MRPS16: variants seen among roughly 807,000 people sequenced by gnomAD.
The protein encoded by MRPS16 is small ribosomal subunit protein bS16m.
In MRPS16, 5 loss-of-function variants were observed where a neutral mutation model predicts 11.0. The observed-to-expected ratio is 0.46, with a 90% confidence interval of 0.24 to 0.96. The LOEUF (loss-of-function observed/expected upper bound fraction) is 0.96. Among genes scored for constraint, MRPS16 ranks in the 40% least tolerant of loss-of-function variants. The pLI, the probability that MRPS16 is intolerant of heterozygous loss-of-function variation, is 0.20. For missense variants in MRPS16, 179 were observed against 174.4 expected (o/e 1.03, Z -0.15); for synonymous variants, 76 against 65.0 (o/e 1.17, Z -0.81).
In MRPS16 at chr10:73,248,860, A is replaced by G; in HGVS notation, c.*1992T>C. 5.6e-6 allele frequency: 2 copies of G among 359,302 alleles called. No individual in the cohort carries two copies. 22.3% of individuals were successfully genotyped at this position (359,302 alleles called of 1,614,324 possible). On this transcript the variant is annotated 3_prime_UTR_variant, in exon 3 of 3. Coordinates refer to ENST00000372945, the MANE Select transcript of MRPS16 (RefSeq NM_016065.4). ...ACGGAAAATTGAAATCGCACACTGA[A>G]ATATCCTTTTATTGCAACTCAAATT...
chr10:73,248,893 A>G lies in MRPS16; in HGVS notation c.*1959T>C. 2.6e-6 allele frequency: 1 copy of G among 381,436 alleles called. No individual in the cohort carries two copies. 23.6% of individuals were successfully genotyped at this position (381,436 alleles called of 1,614,324 possible). The stretch of plus-strand genomic sequence containing the variant: ...TTTATTGCAACTCAAATTTTCAAAA[A>G]CCAGAAAATCAAATTATTATGCTCT... On this transcript the variant is annotated 3_prime_UTR_variant, in exon 3 of 3. Transcript: ENST00000372945.
Position 73,249,482 on chromosome 10 carries a change from T to C in MRPS16, c.*1370A>G, listed in dbSNP as rs1589209595. ...CACTCATTACAGGTTGTCAACATTA[T>C]TGGTATACAGTTTATCCTAACACAG... On this transcript the variant is annotated 3_prime_UTR_variant, in exon 3 of 3. Coordinates refer to ENST00000372945, the MANE Select transcript of MRPS16 (RefSeq NM_016065.4). 6 of 672,990 alleles carry C rather than the reference T, an allele frequency of 8.9e-6. No homozygotes were observed. In the East Asian group the frequency reaches 1.4e-4, roughly 16 times the overall value. 41.7% of individuals were successfully genotyped at this position (672,990 alleles called of 1,614,324 possible). A position where few individuals can be genotyped will look rare whatever the true frequency, so the allele number is the denominator to read the frequency against.
Position 73,252,615 on chromosome 10 carries a change from A to G in MRPS16, c.-133T>C. The stretch of plus-strand genomic sequence containing the variant: ...CCAGGCCGCACCGCCAAGCGGTACA[A>G]GCCCGAAAACCTCGACTCCGGAAGC... On this transcript the variant is annotated 5_prime_UTR_variant, in exon 1 of 3. Coordinates refer to ENST00000372945, the MANE Select transcript of MRPS16 (RefSeq NM_016065.4). 1 of 1,359,006 alleles carries G rather than the reference A, an allele frequency of 7.4e-7. No individual in the cohort carries two copies. The highest frequency in any genetic ancestry group is 1.0e-6 in the Non-Finnish European group (1 of 990,162). 84.2% of individuals were successfully genotyped at this position (1,359,006 alleles called of 1,614,324 possible). A position where few individuals can be genotyped will look rare whatever the true frequency, so the allele number is the denominator to read the frequency against.
rs373606049 is a variant in MRPS16 at position 73,251,971 on chromosome 10, G to A, written c.66C>T (p.Ala22=). Residue 22 remains alanine (A), a synonymous_variant, in exon 2 of 3, where the codon GCC becomes GCT. Coordinates refer to ENST00000372945, the MANE Select transcript of MRPS16 (RefSeq NM_016065.4). ...ACGGCCGATTGGTGCAGCCACCCAG[G>A]GCAAGGCGGATGGTTAAGTGGCCCC... ...YRGGHLTIRL[A]LGGCTNRPFY... 4.4e-5 allele frequency: 71 copies of A among 1,614,056 alleles called. No individual in the cohort carries two copies. Among genetic ancestry groups the A allele is most frequent in the Non-Finnish European group, 5.7e-5 (67 of 1,180,042 alleles).
chr10:73,251,742 GT>G lies in MRPS16; in HGVS notation c.274+20del, dbSNP rs1301622790. 1.2e-6 allele frequency: 2 copies of G among 1,614,056 alleles called. No homozygotes were observed. Among genetic ancestry groups the G allele is most frequent in the African/African-American group, 2.7e-5 (2 of 75,008 alleles). The stretch of plus-strand genomic sequence containing the variant: ...TTCAGTTTAAAATCCCCTCAATAAG[GT>G]AAGACCAGAGCTGAGTTACCCAGAA... On this transcript the variant is annotated intron_variant, in intron 2 of 2. Coordinates refer to ENST00000372945, the MANE Select transcript of MRPS16 (RefSeq NM_016065.4).
intron 1 of MRPS16, chr10:73,252,229 A>G (rs910602148): frequency 9.9e-7 from 1 of 1,009,940 alleles, no homozygotes; most frequent in East Asian, 2.6e-5. Flanking sequence ...CCCACCCCGC[A>G]TGGGCTTGCC....
Position 73,252,201 on chromosome 10 carries a change from C to T in MRPS16, c.14-178G>A, listed in dbSNP as rs183088248. 37 of 1,106,090 alleles carry T rather than the reference C, an allele frequency of 3.3e-5. No individual in the cohort carries two copies. The Middle Eastern group carries it at 1.6e-3, about 49-fold the overall frequency. The allele number at this position is 1,106,090 out of a possible 1,614,324, so 68.5% of individuals were successfully genotyped here. On this transcript the variant is annotated intron_variant, in intron 1 of 2. Coordinates refer to ENST00000372945, the MANE Select transcript of MRPS16 (RefSeq NM_016065.4). ...CTTGGCCAGTCCAGCCAGCAATGAC[C>T]TCCTCCTCATACCCAAACCCACCCC...
rs2044050563 is a variant in MRPS16 at position 73,249,041 on chromosome 10, C to T, written c.*1811G>A. The T allele has an allele frequency of 8.4e-6, 5 of 594,144 alleles. No homozygotes were observed. The Admixed American group carries it at 1.3e-4, about 16-fold the overall frequency. 36.8% of individuals were successfully genotyped at this position (594,144 alleles called of 1,614,324 possible). A position where few individuals can be genotyped will look rare whatever the true frequency, so the allele number is the denominator to read the frequency against. On this transcript the variant is annotated 3_prime_UTR_variant, in exon 3 of 3. Transcript: ENST00000372945. The stretch of plus-strand genomic sequence containing the variant: ...TCAAGTGATCTTACTGCCTCAGCTT[C>T]CCGAGTAGCTGGAACTATGGGTGAG...
Position 73,252,462 on chromosome 10 carries a change from T to C in MRPS16, c.13+8A>G. 6.2e-7 allele frequency: 1 copy of C among 1,609,484 alleles called. No individual in the cohort carries two copies. The highest frequency in any genetic ancestry group is 1.1e-5 in the South Asian group (1 of 91,042). ...CCCGGAACGTCTCGCGGTGGCCCGATGACTCACTGAGGTGGACCATGGTGC... is the reference window on the plus strand; with the variant it reads ...CCCGGAACGTCTCGCGGTGGCCCGACGACTCACTGAGGTGGACCATGGTGC... On this transcript the variant is annotated splice_region_variant and intron_variant, in intron 1 of 2. Coordinates refer to ENST00000372945, the MANE Select transcript of MRPS16 (RefSeq NM_016065.4).
intron 1 of MRPS16, 183 bp from the exon 2 acceptor site, chr10:73,252,206 C>G: frequency 9.3e-7 from 1 of 1,080,210 alleles, no homozygotes; most frequent in Non-Finnish European, 1.3e-6. Context: ...ATGACCTCCT[C>G]CTCATACCCA....
At position 73,251,871 on chromosome 10, in the gene MRPS16, G is replaced by A; in HGVS notation, c.166C>T (p.Pro56Ser). ...RFVEQLGSYD[P>S]LPNSHGEKLV... ...TTTTCTCCATGACTGTTGGGCAATG[G>A]ATCATAGGAGCCCAGCTGCTCTACG... is the stretch of plus-strand genomic sequence containing the variant. Residue 56 changes from proline to serine, a missense_variant, in exon 2 of 3, where the codon CCA (proline) becomes TCA (serine). By Grantham distance (74) the Pro-to-Ser change is moderately conservative. Coordinates refer to ENST00000372945, the MANE Select transcript of MRPS16 (RefSeq NM_016065.4). 1 of 1,614,204 alleles carries A rather than the reference G, an allele frequency of 6.2e-7. No homozygotes were observed.
chr10:73,252,418 C>T (rs1197426613), intron 1 of MRPS16, 52 bp downstream of exon 1: 20 of 1,607,604 alleles, frequency 1.2e-5, no homozygotes, highest in Non-Finnish European at 1.6e-5. Flanking sequence ...CGGCCCCGAA[C>T]TCCCGAGCCC....
Position 73,251,646 on chromosome 10 carries a change from G to A in MRPS16, c.274+117C>T. 3 of 1,445,880 alleles carry A rather than the reference G, an allele frequency of 2.1e-6. No individual in the cohort carries two copies. The Admixed American group carries it at 5.0e-5, about 24-fold the overall frequency. The allele number at this position is 1,445,880 out of a possible 1,614,324, so 89.6% of individuals were successfully genotyped here. On this transcript the variant is annotated intron_variant, in intron 2 of 2. Transcript: ENST00000372945. ...TCCGCCCGCCTCGGCCTCCCAAAGC[G>A]CTGAGATTACAGGCGTGAGCCACCG...
rs763457239 is a variant in MRPS16 at position 73,250,872 on chromosome 10, T to C, written c.394A>G (p.Thr132Ala). 1.2e-6 allele frequency: 2 copies of C among 1,614,030 alleles called. No homozygotes were observed. The highest frequency in any genetic ancestry group is 8.5e-7 in the Non-Finnish European group (1 of 1,180,036). The change falls in exon 3 of 3, where the codon ACA becomes GCA. Residue 132 changes from threonine to alanine, a missense_variant. By Grantham distance (58) the Thr-to-Ala change is moderately conservative. Coordinates refer to ENST00000372945, the MANE Select transcript of MRPS16 (RefSeq NM_016065.4). ...SQKTDAEATDTEATET is the reference protein window; with the variant it reads ...SQKTDAEATDAEATET The stretch of plus-strand genomic sequence containing the variant: ...CTCATTTATGTTTCTGTAGCCTCTG[T>C]ATCTGTAGCTTCTGCATCTGTTTTC...
At position 73,252,254 on chromosome 10, in the gene MRPS16, G is replaced by A. The variant is rs188130965; in HGVS notation, c.13+216C>T. 4.4e-4 allele frequency: 446 copies of A among 1,023,304 alleles called. 3 individuals are homozygous for A. In the African/African-American group the frequency reaches 6.1e-3, roughly 14 times the overall value. 63.4% of individuals were successfully genotyped at this position (1,023,304 alleles called of 1,614,324 possible). On this transcript the variant is annotated intron_variant, in intron 1 of 2. Coordinates refer to ENST00000372945, the MANE Select transcript of MRPS16 (RefSeq NM_016065.4). ...ATGGGCTTGCCATTCACTAGGCTCT[G>A]TGACCTTGTCGGAGCCTTAGCTGCT...
rs2044052458 is a variant in MRPS16 at position 73,249,205 on chromosome 10, A to C, written c.*1647T>G. On this transcript the variant is annotated 3_prime_UTR_variant, in exon 3 of 3. Coordinates refer to ENST00000372945, the MANE Select transcript of MRPS16 (RefSeq NM_016065.4). ...AGTGCTGAGATTACAGGTGTGAGCCACTGCCCCAATGGTATCTTTATATTA... is the reference window on the plus strand; with the variant it reads ...AGTGCTGAGATTACAGGTGTGAGCCCCTGCCCCAATGGTATCTTTATATTA... The C allele has an allele frequency of 3.6e-6, 5 of 1,371,894 alleles. No individual in the cohort carries two copies. Among genetic ancestry groups the C allele is most frequent in the Non-Finnish European group, 5.1e-6 (5 of 989,398 alleles). The allele number at this position is 1,371,894 out of a possible 1,614,324, so 85.0% of individuals were successfully genotyped here. A position where few individuals can be genotyped will look rare whatever the true frequency, so the allele number is the denominator to read the frequency against.
chr10:73,249,079 CA>C lies in MRPS16; in HGVS notation c.*1772del. ...AACTATGGGTGAGCAACACCACAGC[CA>C]GCTAATTTTTTAAGTTTTTGTAGAG... On this transcript the variant is annotated 3_prime_UTR_variant, in exon 3 of 3. Coordinates refer to ENST00000372945, the MANE Select transcript of MRPS16 (RefSeq NM_016065.4). The C allele has an allele frequency of 1.7e-6, 1 of 599,956 alleles. No homozygotes were observed. The highest frequency in any genetic ancestry group is 3.1e-6 in the Non-Finnish European group (1 of 326,656). 37.2% of individuals were successfully genotyped at this position (599,956 alleles called of 1,614,324 possible).
chr10:73,249,078 C>A lies in MRPS16; in HGVS notation c.*1774G>T. 2 of 598,928 alleles carry A rather than the reference C, an allele frequency of 3.3e-6. No homozygotes were observed. The highest frequency in any genetic ancestry group is 6.1e-6 in the Non-Finnish European group (2 of 326,062). 37.1% of individuals were successfully genotyped at this position (598,928 alleles called of 1,614,324 possible). A position where few individuals can be genotyped will look rare whatever the true frequency, so the allele number is the denominator to read the frequency against. On this transcript the variant is annotated 3_prime_UTR_variant, in exon 3 of 3. Coordinates refer to ENST00000372945, the MANE Select transcript of MRPS16 (RefSeq NM_016065.4). ...GAACTATGGGTGAGCAACACCACAG[C>A]CAGCTAATTTTTTAAGTTTTTGTAG... is the stretch of plus-strand genomic sequence containing the variant.
intron 1 of MRPS16, 181 bp from the exon 2 acceptor site, chr10:73,252,204 C>A: frequency 1.9e-6 from 2 of 1,080,060 alleles, no homozygotes; most frequent in Non-Finnish European, 2.7e-6. Flanking sequence ...CAATGACCTC[C>A]TCCTCATACC....
Sources: gnomAD v4.1 joint callset for allele counts on GRCh38, gnomAD v4.1.1 for gene constraint, MANE v1.5 for transcripts, NCBI Gene and HGNC (gene_info 2026-07-23, HGNC 2026-07-21) for gene names.